The following DAPK1 variants were observed in gnomAD, a reference collection of about 807,000 sequenced individuals.
DAPK1 encodes death-associated protein kinase 1.
Under a neutral mutation model 144.9 loss-of-function variants are expected in DAPK1, and 56 were observed. The ratio of observed to expected loss-of-function variants is 0.39; its 90% CI spans 0.31 to 0.48. The LOEUF (loss-of-function observed/expected upper bound fraction) is 0.48, where lower values mean the gene tolerates loss of function less well. DAPK1 is among the 20% of genes least tolerant of loss of function. The pLI, the probability that DAPK1 is intolerant of heterozygous loss-of-function variation, is 0.95. For missense variants in DAPK1, 1,454 were observed against 1,875.4 expected (o/e 0.78, Z 4.15); for synonymous variants, 690 against 749.0 (o/e 0.92, Z 1.29).
intron 3 of DAPK1, among the ~76,000 whole-genome samples, chr9:87,637,054 C>T (rs1279420469): frequency 1.3e-5 from 2 of 152,112 alleles, no homozygotes; most frequent in Non-Finnish European, 2.9e-5. Flanking sequence ...CTAAAAAAAT[C>T]CGCAACCAAC....
chr9:87,640,014 T>C (rs540555026), intron 7 of DAPK1, among the ~76,000 whole-genome samples, 199 bp downstream of exon 7: 10 of 152,218 alleles, frequency 6.6e-5, no homozygotes, highest in Non-Finnish European at 1.5e-4. Flanking sequence ...CATCAGAAAC[T>C]GTAGCATAAT....
At chr9:87,603,747 A>AG (rs1201318902) in intron 2 of DAPK1, among the ~76,000 whole-genome samples, 3 of 152,180 alleles carry the variant, frequency 2.0e-5, no homozygotes, top group Non-Finnish European at 4.4e-5. Context: ...GGAAGAACGA[A>AG]GGGCACCAGC....
chr9:87,689,030 G>T (rs1434296336), intron 21 of DAPK1, among the ~76,000 whole-genome samples: 1 of 151,932 alleles, frequency 6.6e-6, no homozygotes, highest in Non-Finnish European at 1.5e-5. Flanking sequence ...CCAAAATGGT[G>T]TTTCCTAGAT....
rs10659497 is a variant in DAPK1, at chr9:87,582,557, C to CTTTTTTTTT, written c.63-22390_63-22382dup. Reference sequence around the variant, plus strand: ...TGGTCACACTTTGCCAATTTTCCTGCTTTTTTTTTTTTTTTGAGATGGAAT... The same window carrying CTTTTTTTTT: ...TGGTCACACTTTGCCAATTTTCCTGCTTTTTTTTTTTTTTTTTTTTTTTTGAGATGGAAT... On this transcript the variant is annotated intron_variant, in intron 2 of 25. Transcript: ENST00000408954. Among the ~76,000 whole-genome samples the CTTTTTTTTT allele has an allele frequency of 2.9e-5, 4 of 139,500 alleles. 1 individual carries two copies. 91.5% of individuals were successfully genotyped at this position (139,500 alleles called of 152,430 possible). A position where few individuals can be genotyped will look rare whatever the true frequency, so the allele number is the denominator to read the frequency against.
intron 3 of DAPK1, among the ~76,000 whole-genome samples, chr9:87,629,796 A>G (rs4878114): frequency 0.49 from 75,222 of 152,026 alleles, 19,800 homozygotes; most frequent in East Asian, 0.78. Flanking sequence ...TGTCCTACCT[A>G]TAGGGCCAAA....
At chr9:87,704,395 T>C (rs2118103538) in intron 25 of DAPK1, among the ~76,000 whole-genome samples, 1 of 152,312 alleles carries the variant, frequency 6.6e-6, no homozygotes, top group East Asian at 1.9e-4. Flanking sequence ...CTTGAGAGTT[T>C]AGTAAGTAAA....
In DAPK1 at chr9:87,621,916, G is replaced by A. The variant is rs1400675175; in HGVS notation, c.285-16027G>A. 2.6e-5 allele frequency among the ~76,000 whole-genome samples: 4 copies of A among 151,894 alleles called. No individual in the cohort carries two copies. In the East Asian group the frequency reaches 7.8e-4, roughly 30 times the overall value. On this transcript the variant is annotated intron_variant, in intron 3 of 25. Coordinates refer to ENST00000408954, the MANE Select transcript of DAPK1 (RefSeq NM_004938.4). ...GTTCCCCCACATCCACACTGGGCTCGGTAGAGCCTCGGCAACATCAGAGCC... is the reference window on the plus strand; with the variant it reads ...GTTCCCCCACATCCACACTGGGCTCAGTAGAGCCTCGGCAACATCAGAGCC...
chr9:87,679,301 A>C (rs1033221460), intron 19 of DAPK1, among the ~76,000 whole-genome samples: 3 of 152,206 alleles, frequency 2.0e-5, no homozygotes, highest in South Asian at 2.1e-4. Flanking sequence ...GATGGCAGGC[A>C]AGACAGGTTT....
chr9:87,593,816 C>G (rs1180262099), intron 2 of DAPK1, among the ~76,000 whole-genome samples: 1 of 152,162 alleles, frequency 6.6e-6, no homozygotes, highest in African/African-American at 2.4e-5. Flanking sequence ...GTCCAGTTAA[C>G]TTTGACCCAC....
At position 87,647,368 on chromosome 9, in the gene DAPK1, A is replaced by G. The variant is rs1210743143; in HGVS notation, c.1294A>G (p.Ser432Gly). ...HGHVDTLKFL[S>G]ENKCPLDVKD... ...CCACGTCGATACCTTGAAATTTCTC[A>G]GTGAGAACAAATGCCCTTTGGATGT... The change falls in exon 14 of 26, where the codon AGT (serine) becomes GGT (glycine). Residue 432 changes from serine to glycine, a missense_variant. By Grantham distance (56) the Ser-to-Gly change is moderately conservative. Around this residue, in one of 2 missense-constraint regions of DAPK1, gnomAD observed 429 missense variants for 637.5 expected, o/e 0.67. Transcript: ENST00000408954. 1 of 1,614,172 alleles carries G rather than the reference A, an allele frequency of 6.2e-7. No individual in the cohort carries two copies. The highest frequency in any genetic ancestry group is 8.5e-7 in the Non-Finnish European group (1 of 1,180,038).
At chr9:87,659,670 C>G (rs1362520640) in intron 18 of DAPK1, among the ~76,000 whole-genome samples, 1 of 152,114 alleles carries the variant, frequency 6.6e-6, no homozygotes, top group Non-Finnish European at 1.5e-5. Flanking sequence ...CCTGGCTCCT[C>G]CTCAGGTCCC....
At chr9:87,592,631 G>A (rs1043548626) in intron 2 of DAPK1, among the ~76,000 whole-genome samples, 14 of 152,244 alleles carry the variant, frequency 9.2e-5, no homozygotes, top group East Asian at 1.9e-4. Flanking sequence ...TGTCCTGGCC[G>A]TGGTGGATAC....
At chr9:87,629,254 G>T (rs891128853) in intron 3 of DAPK1, among the ~76,000 whole-genome samples, 1 of 152,140 alleles carries the variant, frequency 6.6e-6, no homozygotes, top group Non-Finnish European at 1.5e-5. Flanking sequence ...AGGGAGAGAC[G>T]CAGGGAAAGT....
At chr9:87,692,133 A>G (rs1358469513) in intron 21 of DAPK1, among the ~76,000 whole-genome samples, 1 of 152,094 alleles carries the variant, frequency 6.6e-6, no homozygotes. Context: ...TATAGATCTA[A>G]TAATATTTGC....
At chr9:87,606,225 G>A (rs577289445) in intron 3 of DAPK1, among the ~76,000 whole-genome samples, 2 of 152,226 alleles carry the variant, frequency 1.3e-5, no homozygotes, top group Non-Finnish European at 1.5e-5. Flanking sequence ...GCGCCACCCT[G>A]CAGGTACCTC....
intron 2 of DAPK1, among the ~76,000 whole-genome samples, chr9:87,512,554 G>A (rs973924390): frequency 2.6e-5 from 4 of 152,200 alleles, no homozygotes; most frequent in Admixed American, 6.5e-5. Context: ...CAGCTGCTGC[G>A]GGTAAATGCC....
intron 2 of DAPK1, among the ~76,000 whole-genome samples, chr9:87,582,440 C>A (rs1303769222): frequency 1.3e-5 from 2 of 152,092 alleles, no homozygotes; most frequent in Admixed American, 6.5e-5. Context: ...AAAACGTGGT[C>A]AGGAGCAGTT....
chr9:87,596,205 G>A (rs764844073), intron 2 of DAPK1, among the ~76,000 whole-genome samples: 5 of 152,158 alleles, frequency 3.3e-5, no homozygotes, highest in Non-Finnish European at 4.4e-5. Context: ...AGGGGTTCCC[G>A]CTGAAGGTGC....
intron 2 of DAPK1, among the ~76,000 whole-genome samples, chr9:87,513,792 A>C: frequency 6.6e-6 from 1 of 152,156 alleles, no homozygotes; most frequent in Non-Finnish European, 1.5e-5. Flanking sequence ...AATGTCTAGC[A>C]CAGTGCTGGC....
Sources: allele counts gnomAD v4.1 joint callset (sites outside exome capture counted in the v4.1 genomes callset), GRCh38; gene constraint gnomAD v4.1.1; regional missense constraint gnomAD v4.1.1; transcripts MANE v1.5; gene names NCBI Gene and HGNC (gene_info 2026-07-23, HGNC 2026-07-21).